DNAH2: variants seen among roughly 807,000 people sequenced by gnomAD.
DNAH2 encodes the protein dynein axonemal heavy chain 2.
Under a neutral mutation model 523.5 loss-of-function variants are expected in DNAH2, and 323 were observed. That is an observed-to-expected ratio of 0.62 (90% CI 0.56 to 0.68). The LOEUF (loss-of-function observed/expected upper bound fraction) is 0.68, where lower values mean the gene tolerates loss of function less well. Among genes scored for constraint, DNAH2 ranks in the 30% least tolerant of loss-of-function variants. The probability of loss-of-function intolerance (pLI) is 0.00; values close to 1 mark genes in which losing one functional copy is unlikely to be tolerated. For missense variants in DNAH2, 4,907 were observed against 5,701.5 expected, an observed-to-expected ratio of 0.86 and a Z score of 4.49; for synonymous variants, 2,093 against 2,177.4, an observed-to-expected ratio of 0.96 and a Z score of 1.08.
intron 77 of DNAH2, 120 bp downstream of exon 77, chr17:7,824,847 C>A: frequency 2.3e-6 from 2 of 856,140 alleles, no homozygotes; most frequent in Non-Finnish European, 3.4e-6. Flanking sequence ...AAAAATTCCA[C>A]CTCATTCCTC....
chr17:7,801,594 T>G lies in DNAH2; in HGVS notation c.8716T>G (p.Tyr2906Asp). The G allele has an allele frequency of 6.2e-7, 1 of 1,614,188 alleles. No individual in the cohort carries two copies. The highest frequency in any genetic ancestry group is 8.5e-7 in the Non-Finnish European group (1 of 1,180,020). ...CCTTCCCAGGAACTGGATCCGCCAG[T>G]ACCCAGCCTTGGTGAACTGCACAAC... ...GDPFRNWIRQ[Y>D]PALVNCTTIN... The change falls in exon 57 of 86, where the codon TAC (tyrosine) becomes GAC (aspartate). Residue 2906 changes from tyrosine to aspartate, a missense_variant. This residue lies in a region of DNAH2 where 1,851 missense variants were observed against 2,139.4 expected (regional missense o/e 0.87). Coordinates refer to ENST00000572933, the MANE Select transcript of DNAH2 (RefSeq NM_020877.5).
chr17:7,794,468 C>A, intron 49 of DNAH2, 110 bp downstream of exon 49: 1 of 935,982 alleles, frequency 1.1e-6, no homozygotes, highest in Non-Finnish European at 1.6e-6. Flanking sequence ...CCAAGTGGAG[C>A]TCCACGCAGG....
chr17:7,790,806 A>G (rs1450787136), intron 44 of DNAH2, among the ~76,000 whole-genome samples: 1 of 152,050 alleles, frequency 6.6e-6, no homozygotes, highest in African/African-American at 2.4e-5. Flanking sequence ...TTCTGGGCTC[A>G]AGTGATCCTC....
chr17:7,808,409 A>G (rs2077426341), intron 63 of DNAH2, among the ~76,000 whole-genome samples: 1 of 151,966 alleles, frequency 6.6e-6, no homozygotes, highest in South Asian at 2.1e-4. Flanking sequence ...GTGACTCCTG[A>G]ACCAGGCAGA....
chr17:7,818,501 AG>A (rs774020560), intron 69 of DNAH2, 41 bp downstream of exon 69: 11 of 1,610,144 alleles, frequency 6.8e-6, no homozygotes, highest in South Asian at 1.1e-5. Flanking sequence ...AGGGTGAAGC[AG>A]GAAGAGTTTG....
chr17:7,814,952 T>C (rs1483624431), intron 63 of DNAH2, among the ~76,000 whole-genome samples: 1 of 152,244 alleles, frequency 6.6e-6, no homozygotes, highest in Non-Finnish European at 1.5e-5. Context: ...TTATATCATT[T>C]AGGTTTTAAC....
intron 77 of DNAH2, 106 bp from the exon 78 acceptor site, chr17:7,830,194 C>T: frequency 8.2e-7 from 1 of 1,220,286 alleles, no homozygotes; most frequent in Non-Finnish European, 1.1e-6. Flanking sequence ...CCCTTTCAGC[C>T]AGTGCCTTTG....
chr17:7,765,712 G>A, intron 21 of DNAH2, 147 bp downstream of exon 21: 1 of 841,546 alleles, frequency 1.2e-6, no homozygotes, highest in South Asian at 1.8e-5. Flanking sequence ...AGGAGCAAAG[G>A]AGGAGGACAC....
rs2078260751 is a variant in DNAH2 at position 7,833,645 on chromosome 17, A to C, written c.*112A>C. ...TCACTCAGACTTTGACCTTGGCCGA[A>C]TTTGTGTGATGTGGCCCTGGAGATA... On this transcript the variant is annotated 3_prime_UTR_variant, in exon 86 of 86. Coordinates refer to ENST00000572933, the MANE Select transcript of DNAH2 (RefSeq NM_020877.5). 6.9e-7 allele frequency: 1 copy of C among 1,453,412 alleles called. No individual in the cohort carries two copies. The highest frequency in any genetic ancestry group is 9.4e-7 in the Non-Finnish European group (1 of 1,060,234). The allele number at this position is 1,453,412 out of a possible 1,614,324, so 90.0% of individuals were successfully genotyped here. A position where few individuals can be genotyped will look rare whatever the true frequency, so the allele number is the denominator to read the frequency against.
intron 43 of DNAH2, 37 bp downstream of exon 43, chr17:7,788,034 G>C (rs1342363437): frequency 6.2e-7 from 1 of 1,613,348 alleles, no homozygotes; most frequent in Non-Finnish European, 8.5e-7. Flanking sequence ...AGTAACCAGG[G>C]TGGCTCCAGG....
At chr17:7,830,216 AC>A in intron 77 of DNAH2, 83 bp from the exon 78 acceptor site, 2 of 1,436,402 alleles carry the variant, frequency 1.4e-6, no homozygotes, top group Non-Finnish European at 1.9e-6. Context: ...GCAATGAAGA[AC>A]CTCCACAACT....
At chr17:7,787,387 G>T in intron 42 of DNAH2, 1 of 354,450 alleles carries the variant, frequency 2.8e-6, no homozygotes, top group Admixed American at 4.4e-5. Context: ...CCAACAATGC[G>T]AGCAAGAGAG....
At chr17:7,823,150 C>T (rs1266549199) in intron 73 of DNAH2, among the ~76,000 whole-genome samples, 1 of 151,828 alleles carries the variant, frequency 6.6e-6, no homozygotes, top group African/African-American at 2.4e-5. Context: ...AATAATTAGC[C>T]AGGTGTGGTG....
intron 2 of DNAH2, among the ~76,000 whole-genome samples, chr17:7,722,801 C>T (rs1000188336): frequency 2.6e-5 from 4 of 152,136 alleles, no homozygotes; most frequent in African/African-American, 9.7e-5. Context: ...AGACACTGAG[C>T]TGTTGCCACC....
intron 3 of DNAH2, among the ~76,000 whole-genome samples, chr17:7,725,832 T>G (rs1444637106): frequency 6.6e-6 from 1 of 151,982 alleles, no homozygotes; most frequent in African/African-American, 2.4e-5. Context: ...TTTTAGTGTT[T>G]TTCTTATTGG....
At position 7,824,714 on chromosome 17, in the gene DNAH2, C is replaced by G; in HGVS notation, c.11840C>G (p.Thr3947Arg). The G allele has an allele frequency of 1.3e-6, 2 of 1,570,202 alleles. No homozygotes were observed. The highest frequency in any genetic ancestry group is 1.7e-6 in the Non-Finnish European group (2 of 1,151,378). The change falls in exon 77 of 86, where the codon ACA becomes AGA. Residue 3947 changes from threonine (T) to arginine (R), a missense_variant. By Grantham distance (71) the Thr-to-Arg change is moderately conservative. Transcript: ENST00000572933. ...SILQVSIKMT[T>R]EPPKGLKANM... Reference sequence around the variant, plus strand: ...TTGCAGGTCAGCATCAAGATGACCACAGAGCCACCAAAGGTATGTGGCCAT... The same window carrying G: ...TTGCAGGTCAGCATCAAGATGACCAGAGAGCCACCAAAGGTATGTGGCCAT...
At chr17:7,795,015 A>G (rs552171260) in intron 49 of DNAH2, among the ~76,000 whole-genome samples, 1 of 151,742 alleles carries the variant, frequency 6.6e-6, no homozygotes, top group African/African-American at 2.4e-5. Flanking sequence ...TCAGCCTCCC[A>G]CCACACTTGG....
At position 7,735,878 on chromosome 17, in the gene DNAH2, G is replaced by T. The variant is rs1213290142; in HGVS notation, c.978+1170G>T. Among the ~76,000 whole-genome samples the T allele has an allele frequency of 2.0e-5, 3 of 151,968 alleles. No individual in the cohort carries two copies. In the South Asian group the frequency reaches 6.2e-4, roughly 32 times the overall value. On this transcript the variant is annotated intron_variant, in intron 7 of 85. Coordinates refer to ENST00000572933, the MANE Select transcript of DNAH2 (RefSeq NM_020877.5). Reference sequence around the variant, plus strand: ...AGCGATTCTCCTGCCTCAGCCTCCCGAGTAGCTGAGATTACAGGTGCCCAC... The same window carrying T: ...AGCGATTCTCCTGCCTCAGCCTCCCTAGTAGCTGAGATTACAGGTGCCCAC...
At chr17:7,766,581 G>A in intron 22 of DNAH2, 100 bp downstream of exon 22, 1 of 1,258,350 alleles carries the variant, frequency 7.9e-7, no homozygotes, top group Non-Finnish European at 1.1e-6. Flanking sequence ...AGGGAGAGGA[G>A]CTCACAAGGA....
Sources: gnomAD v4.1 joint callset for allele counts (sites outside exome capture counted in the v4.1 genomes callset) on GRCh38, gnomAD v4.1.1 for gene constraint, gnomAD v4.1.1 regional missense constraint, MANE v1.5 for transcripts, NCBI Gene and HGNC (gene_info 2026-07-23, HGNC 2026-07-21) for gene names.